FOXP1: variants seen among roughly 807,000 people sequenced by gnomAD.
FOXP1 encodes forkhead box P1.
A neutral mutation model predicts 98.2 loss-of-function variants in FOXP1; 15 were observed. The observed-to-expected ratio is 0.15, with a 90% CI of 0.10 to 0.24. FOXP1 has a LOEUF of 0.24. FOXP1 is among the 10% of genes least tolerant of loss of function. FOXP1 has a pLI of 1.00. For missense variants in FOXP1, 633 were observed against 848.5 expected, an observed-to-expected ratio of 0.75 and a Z score of 3.15; for synonymous variants, 371 against 314.5, an observed-to-expected ratio of 1.18 and a Z score of -1.90.
intron 3 of FOXP1, among the ~76,000 whole-genome samples, chr3:71,467,566 T>C (rs2088900296): frequency 6.6e-6 from 1 of 152,216 alleles, no homozygotes; most frequent in African/African-American, 2.4e-5. Flanking sequence ...AGCTCTTGTA[T>C]TAAAGGAAGA....
chr3:71,432,206 G>A (rs890509852), intron 3 of FOXP1, among the ~76,000 whole-genome samples: 16 of 152,214 alleles, frequency 1.1e-4, no homozygotes, highest in Admixed American at 6.5e-5. Flanking sequence ...AACCACTGAC[G>A]ACTGTGGTGT....
At chr3:71,432,933 G>A (rs1009138517) in intron 3 of FOXP1, among the ~76,000 whole-genome samples, 3 of 149,192 alleles carry the variant, frequency 2.0e-5, no homozygotes, top group Admixed American at 2.0e-4. Context: ...GGATATACCA[G>A]AGTCTGAGCT....
chr3:71,581,117 T>C, intron 2 of FOXP1: 1 of 975,430 alleles, frequency 1.0e-6, no homozygotes, highest in Non-Finnish European at 1.2e-6. Flanking sequence ...GGTCTTCTGG[T>C]AGAGCAAAAA....
intron 4 of FOXP1, among the ~76,000 whole-genome samples, chr3:71,343,759 C>G (rs1207025657): frequency 6.6e-6 from 1 of 151,980 alleles, no homozygotes; most frequent in Non-Finnish European, 1.5e-5. Flanking sequence ...GAACTCCTGA[C>G]CTTAAGTGAT....
intron 2 of FOXP1, among the ~76,000 whole-genome samples, chr3:71,544,155 G>A (rs969028165): frequency 5.9e-5 from 9 of 151,622 alleles, no homozygotes; most frequent in African/African-American, 1.5e-4. Context: ...GACCAATGCC[G>A]TAGCAGTATT....
intron 2 of FOXP1, among the ~76,000 whole-genome samples, chr3:71,504,064 G>A (rs1017471171): frequency 2.6e-5 from 4 of 152,160 alleles, no homozygotes; most frequent in East Asian, 1.9e-4. Context: ...AACTGTTTGA[G>A]ATGTTTCGCA....
At chr3:71,356,318 G>A (rs1264649242) in intron 4 of FOXP1, among the ~76,000 whole-genome samples, 1 of 151,756 alleles carries the variant, frequency 6.6e-6, no homozygotes, top group African/African-American at 2.4e-5. Context: ...CAGGGCTACA[G>A]CAGCTGTATA....
chr3:71,228,963 G>A (rs34549678), intron 5 of FOXP1, among the ~76,000 whole-genome samples: 1 of 97,196 alleles, frequency 1.0e-5, no homozygotes, highest in South Asian at 3.7e-4. Flanking sequence ...TTTTACTGTT[G>A]GTTGTTTTTT....
At chr3:71,034,587 T>A (rs143323166) in intron 11 of FOXP1, among the ~76,000 whole-genome samples, 2 of 152,078 alleles carry the variant, frequency 1.3e-5, no homozygotes, top group South Asian at 4.1e-4. Flanking sequence ...ATCAGTATAG[T>A]ATCAAGCCCT....
intron 13 of FOXP1, among the ~76,000 whole-genome samples, chr3:70,996,197 T>A (rs1323053939): frequency 2.6e-5 from 4 of 152,314 alleles, no homozygotes; most frequent in African/African-American, 9.6e-5. Flanking sequence ...TTGGTCAGGC[T>A]GGTCTCGAAC....
intron 5 of FOXP1, among the ~76,000 whole-genome samples, chr3:71,253,055 T>C (rs1307618250): frequency 6.6e-6 from 1 of 152,186 alleles, no homozygotes; most frequent in Non-Finnish European, 1.5e-5. Context: ...TGGCTATCTG[T>C]TTCCAGGTAC....
intron 2 of FOXP1, among the ~76,000 whole-genome samples, chr3:71,574,644 A>G (rs1171545946): frequency 1.3e-5 from 2 of 152,210 alleles, no homozygotes; most frequent in Non-Finnish European, 2.9e-5. Context: ...TAATCCAAAG[A>G]GCAAACAGTT....
At chr3:71,107,592 T>C (rs1575731578) in intron 7 of FOXP1, among the ~76,000 whole-genome samples, 1 of 152,276 alleles carries the variant, frequency 6.6e-6, no homozygotes, top group East Asian at 1.9e-4. Flanking sequence ...TTCTAGACTA[T>C]GTTAACTCTA....
intron 3 of FOXP1, among the ~76,000 whole-genome samples, chr3:71,416,659 C>T (rs917480352): frequency 6.6e-6 from 1 of 151,238 alleles, no homozygotes. Flanking sequence ...GACAACTGAG[C>T]TGAGAGCTGA....
chr3:71,278,201 GAC>G (rs1226257411), intron 5 of FOXP1, among the ~76,000 whole-genome samples: 9 of 152,182 alleles, frequency 5.9e-5, no homozygotes, highest in Non-Finnish European at 1.3e-4. Context: ...AGCAGGGCCT[GAC>G]ACACAGCAAA....
chr3:71,194,412 T>C, intron 6 of FOXP1, among the ~76,000 whole-genome samples: 1 of 152,222 alleles, frequency 6.6e-6, no homozygotes, highest in East Asian at 1.9e-4. Context: ...CCTGACAGCA[T>C]ATGCTGTATA....
chr3:71,308,749 ATGTGTGTGTGTG>A (rs71104439), intron 4 of FOXP1, among the ~76,000 whole-genome samples: 3,703 of 132,236 alleles, frequency 0.028, 132 homozygotes, highest in African/African-American at 0.08. Flanking sequence ...TTCTACCACA[ATGTGTGTGTGTG>A]TGTGTGTGTG....
At chr3:71,119,240 A>G (rs987572142) in intron 6 of FOXP1, among the ~76,000 whole-genome samples, 2 of 152,220 alleles carry the variant, frequency 1.3e-5, no homozygotes, top group Admixed American at 1.3e-4. Context: ...GGTAATTGAT[A>G]GCAGTTCAGA....
chr3:71,536,363 T>C (rs2044288199), intron 2 of FOXP1, among the ~76,000 whole-genome samples: 2 of 152,076 alleles, frequency 1.3e-5, no homozygotes, highest in Admixed American at 1.3e-4. Context: ...ACCCAAATGC[T>C]CAGAGGGTCT....
Sources: allele counts gnomAD v4.1 joint callset (sites outside exome capture counted in the v4.1 genomes callset), GRCh38; gene constraint gnomAD v4.1.1; transcripts MANE v1.5; gene names NCBI Gene and HGNC (gene_info 2026-07-23, HGNC 2026-07-21).